FARS2: variants seen among roughly 807,000 people sequenced by gnomAD.
FARS2 encodes phenylalanine--tRNA ligase, mitochondrial.
In FARS2, 40 loss-of-function variants were observed where a neutral mutation model predicts 46.4. The observed-to-expected ratio is 0.86, with a 90% CI of 0.67 to 1.12. FARS2 has a LOEUF of 1.12. Ranked by LOEUF, FARS2 falls within the 50% of genes most tolerant of loss-of-function variation. FARS2 has a pLI of 0.00. For missense variants in FARS2, 513 were observed against 567.9 expected (o/e 0.90, Z 0.98); for synonymous variants, 234 against 214.9 (o/e 1.09, Z -0.78).
chr6:5,388,924 T>G (rs1395160884), intron 2 of FARS2, among the ~76,000 whole-genome samples: 3 of 152,186 alleles, frequency 2.0e-5, no homozygotes, highest in Non-Finnish European at 4.4e-5. Context: ...ATCCCTTTTG[T>G]CATACTTGTC....
At chr6:5,534,857 G>GCA (rs1770096413) in intron 4 of FARS2, among the ~76,000 whole-genome samples, 1 of 150,844 alleles carries the variant, frequency 6.6e-6, no homozygotes, top group African/African-American at 2.5e-5. Context: ...ACACTTGCAC[G>GCA]CGCACACACA....
chr6:5,391,120 A>C (rs180906196), intron 2 of FARS2, among the ~76,000 whole-genome samples: 1 of 152,330 alleles, frequency 6.6e-6, no homozygotes, highest in African/African-American at 2.4e-5. Flanking sequence ...TTTTATGTCC[A>C]GTTCTAAATC....
At chr6:5,729,619 G>T (rs1467161966) in intron 6 of FARS2, among the ~76,000 whole-genome samples, 2 of 151,980 alleles carry the variant, frequency 1.3e-5, no homozygotes, top group Non-Finnish European at 2.9e-5. Context: ...GTCCTCCTCG[G>T]TACTCAGAGG....
At chr6:5,432,581 G>C (rs1252251166) in intron 4 of FARS2, among the ~76,000 whole-genome samples, 1 of 143,404 alleles carries the variant, frequency 7.0e-6, no homozygotes, top group African/African-American at 2.6e-5. Flanking sequence ...AGTTGGTTTG[G>C]ATTGGGCATT....
intron 3 of FARS2, among the ~76,000 whole-genome samples, chr6:5,410,255 G>A (rs140078735): frequency 1.1e-3 from 167 of 150,636 alleles, no homozygotes; most frequent in African/African-American, 3.9e-3. Context: ...CTGGGTTCCC[G>A]CGATTCTCAT....
chr6:5,756,784 A>G (rs538018702), intron 6 of FARS2, among the ~76,000 whole-genome samples: 1 of 152,340 alleles, frequency 6.6e-6, no homozygotes, highest in Admixed American at 6.5e-5. Context: ...TCTAAGTCAT[A>G]CTATCTGATT....
chr6:5,252,292 G>A, the FARS2 span, among the ~76,000 whole-genome samples: 12 of 152,254 alleles, frequency 7.9e-5, no homozygotes, highest in Admixed American at 3.3e-4. Context: ...GGAGCGAGGC[G>A]GCCTTCTAAT....
rs1011627147 is a variant in FARS2, at chr6:5,630,074, C to A, written c.1217+16754C>A. Reference sequence around the variant, plus strand: ...CAGCAGAGAGAGGCCAGGATTGGAACGTGTACTACTCTTGACCACTGGAGC... The same window carrying A: ...CAGCAGAGAGAGGCCAGGATTGGAAAGTGTACTACTCTTGACCACTGGAGC... On this transcript the variant is annotated intron_variant, in intron 6 of 6. Transcript: ENST00000274680. This position sits in a 1 kb window ranked among gnomAD's most constrained non-coding sequence, Gnocchi z 4.2. Among the ~76,000 whole-genome samples, 1 of 152,144 alleles carries A rather than the reference C, an allele frequency of 6.6e-6. No homozygotes were observed. Among genetic ancestry groups the A allele is most frequent in the Admixed American group, 6.6e-5 (1 of 15,264 alleles).
chr6:5,278,255 C>T (rs1766476571), intron 1 of FARS2, among the ~76,000 whole-genome samples: 1 of 152,198 alleles, frequency 6.6e-6, no homozygotes, highest in Non-Finnish European at 1.5e-5. Context: ...TCTCTCCTCA[C>T]CCCTAGGGAC....
rs151206015 is a variant in FARS2 at position 5,758,418 on chromosome 6, A to G, written c.1218-12873A>G. 5.1e-3 allele frequency among the ~76,000 whole-genome samples: 780 copies of G among 152,310 alleles called. 3 individuals carry two copies. Among genetic ancestry groups the G allele is most frequent in the Middle Eastern group, 0.02 (6 of 294 alleles). ...TTTAAATAGTCATTTATAATTATAA[A>G]GTGCCTGAAAAACTTATCCGCTCTC... On this transcript the variant is annotated intron_variant, in intron 6 of 6. Coordinates refer to ENST00000274680, the MANE Select transcript of FARS2 (RefSeq NM_006567.5).
chr6:5,518,552 T>C (rs1044829517), intron 4 of FARS2, among the ~76,000 whole-genome samples: 2 of 152,174 alleles, frequency 1.3e-5, no homozygotes, highest in Non-Finnish European at 2.9e-5. Flanking sequence ...AAATAGTTGC[T>C]GGAAGAACAT....
At chr6:5,280,991 G>A (rs993084266) in intron 1 of FARS2, among the ~76,000 whole-genome samples, 4 of 152,074 alleles carry the variant, frequency 2.6e-5, no homozygotes, top group African/African-American at 9.7e-5. Flanking sequence ...CTGTCAGATT[G>A]GCTGGAGCTA....
At chr6:5,385,408 T>C (rs80315720) in intron 2 of FARS2, among the ~76,000 whole-genome samples, 6,899 of 148,556 alleles carry the variant, frequency 0.046, 219 homozygotes, top group East Asian at 0.13. Context: ...CTTGGGAGTT[T>C]CTTTTCTTTT....
chr6:5,298,907 C>T (rs1768088433), intron 1 of FARS2, among the ~76,000 whole-genome samples: 1 of 141,210 alleles, frequency 7.1e-6, no homozygotes. Context: ...CTTGTCTTTT[C>T]TTAGGGTGTC....
intron 6 of FARS2, among the ~76,000 whole-genome samples, chr6:5,667,520 GAA>G (rs1166355245): frequency 1.3e-5 from 1 of 79,178 alleles, no homozygotes; most frequent in African/African-American, 5.6e-5. Flanking sequence ...ACCGTCTCAA[GAA>G]AAAAAAAAAA....
At chr6:5,291,980 A>C (rs984673056) in intron 1 of FARS2, among the ~76,000 whole-genome samples, 1 of 152,188 alleles carries the variant, frequency 6.6e-6, no homozygotes, top group African/African-American at 2.4e-5. Flanking sequence ...TCATTGTTAG[A>C]TAGGTAGACA....
intron 5 of FARS2, among the ~76,000 whole-genome samples, chr6:5,588,879 A>T (rs1773764398): frequency 6.6e-6 from 1 of 152,198 alleles, no homozygotes; most frequent in Non-Finnish European, 1.5e-5. Context: ...GTCTTTCTAC[A>T]CCTTTGTCTA....
intron 6 of FARS2, among the ~76,000 whole-genome samples, chr6:5,755,604 CT>C (rs924079514): frequency 2.6e-5 from 4 of 152,082 alleles, no homozygotes; most frequent in African/African-American, 9.7e-5. Context: ...CATTTAAGTA[CT>C]TTTTTTATTG....
chr6:5,451,172 T>C (rs1440394903), intron 4 of FARS2, among the ~76,000 whole-genome samples: 1 of 152,178 alleles, frequency 6.6e-6, no homozygotes, highest in Non-Finnish European at 1.5e-5. Flanking sequence ...TCCTATATTT[T>C]CATCTTATTT....
Sources: allele counts gnomAD v4.1 joint callset (sites outside exome capture counted in the v4.1 genomes callset), GRCh38; gene constraint gnomAD v4.1.1; non-coding constraint Gnocchi (gnomAD v3.1); transcripts MANE v1.5; gene names NCBI Gene and HGNC (gene_info 2026-07-23, HGNC 2026-07-21).